PLA1A: variants seen among roughly 807,000 people sequenced by gnomAD.
PLA1A encodes phospholipase A1 member A, also known as phosphatidylserine-specific phospholipase A1alpha.
Under a neutral mutation model 49.4 loss-of-function variants are expected in PLA1A, and 47 were observed. The observed-to-expected ratio is 0.95, with a 90% confidence interval of 0.75 to 1.21. The LOEUF (loss-of-function observed/expected upper bound fraction) is 1.21. PLA1A is among the 50% of genes most tolerant of loss of function. The pLI is 0.00. For missense variants in PLA1A, 561 were observed against 563.9 expected (o/e 0.99, Z 0.05); for synonymous variants, 224 against 207.9 (o/e 1.08, Z -0.67).
intron 2 of PLA1A, among the ~76,000 whole-genome samples, chr3:119,608,001 C>T (rs2082711439): frequency 6.6e-6 from 1 of 152,082 alleles, no homozygotes; most frequent in South Asian, 2.1e-4. Flanking sequence ...TATCATTTTC[C>T]TTTTCCTGGA....
At chr3:119,628,620 C>A in intron 9 of PLA1A, 81 bp from the exon 10 acceptor site, 4 of 1,335,106 alleles carry the variant, frequency 3.0e-6, no homozygotes, top group East Asian at 2.3e-5. Context: ...GTGCCACCAG[C>A]AGAGCCCGAT....
chr3:119,604,654 A>T (rs1163329678), intron 1 of PLA1A, among the ~76,000 whole-genome samples: 1 of 152,196 alleles, frequency 6.6e-6, no homozygotes, highest in Admixed American at 6.5e-5. Context: ...ATATACATGT[A>T]TTTATTACCA....
intron 1 of PLA1A, among the ~76,000 whole-genome samples, chr3:119,598,900 C>G (rs1040990591): frequency 8.5e-5 from 13 of 152,206 alleles, no homozygotes; most frequent in African/African-American, 3.1e-4. Context: ...TCTCCTTGCA[C>G]TCATGGGTGG....
Position 119,616,459 on chromosome 3 carries a change from T to G in PLA1A, c.754+358T>G, listed in dbSNP as rs113177244. On this transcript the variant is annotated intron_variant, in intron 6 of 10. Coordinates refer to ENST00000273371, the MANE Select transcript of PLA1A (RefSeq NM_015900.4). ...TAAAATTGTTTTCAAGATGATCTTTTTGAACACATTCAATGACTGTACATT... is the reference window on the plus strand; with the variant it reads ...TAAAATTGTTTTCAAGATGATCTTTGTGAACACATTCAATGACTGTACATT... Among the ~76,000 whole-genome samples the G allele has an allele frequency of 8.6e-3, 1,303 of 152,366 alleles. 18 individuals carry two copies. The highest frequency in any genetic ancestry group is 0.029 in the African/African-American group (1,206 of 41,594).
intron 1 of PLA1A, among the ~76,000 whole-genome samples, chr3:119,601,954 T>G (rs1022754005): frequency 1.3e-5 from 2 of 152,172 alleles, no homozygotes; most frequent in African/African-American, 4.8e-5. Flanking sequence ...GTGAATTATA[T>G]TAATACTTTT....
chr3:119,611,394 A>C (rs1351709274), intron 4 of PLA1A, among the ~76,000 whole-genome samples: 1 of 152,206 alleles, frequency 6.6e-6, no homozygotes, highest in Non-Finnish European at 1.5e-5. Context: ...CTGAATCTGT[A>C]GATTGCTTTG....
At chr3:119,605,959 C>T (rs916291231) in intron 1 of PLA1A, among the ~76,000 whole-genome samples, 4 of 152,150 alleles carry the variant, frequency 2.6e-5, no homozygotes, top group Non-Finnish European at 4.4e-5. Flanking sequence ...TGGCAGGGCT[C>T]TTGACTGCTC....
chr3:119,610,151 A>G (rs2082746140), intron 4 of PLA1A, among the ~76,000 whole-genome samples: 1 of 152,214 alleles, frequency 6.6e-6, no homozygotes, highest in Non-Finnish European at 1.5e-5. Flanking sequence ...CAGAGAACAT[A>G]ATTTCATTCT....
In PLA1A at chr3:119,613,713, G is replaced by A. The variant is rs2082801843; in HGVS notation, c.664+595G>A. ...TCGAGACCATCCTGGCTAACACGGTGAAACCCCGTCTCTACTAAAAATACA... is the reference window on the plus strand; with the variant it reads ...TCGAGACCATCCTGGCTAACACGGTAAAACCCCGTCTCTACTAAAAATACA... On this transcript the variant is annotated intron_variant, in intron 5 of 10. Transcript: ENST00000273371. Among the ~76,000 whole-genome samples the A allele has an allele frequency of 2.0e-5, 3 of 152,316 alleles. No homozygotes were observed. In the South Asian group the frequency reaches 6.2e-4, roughly 32 times the overall value.
intron 1 of PLA1A, among the ~76,000 whole-genome samples, chr3:119,604,617 G>A (rs1651086199): frequency 6.6e-6 from 1 of 152,134 alleles, no homozygotes; most frequent in African/African-American, 2.4e-5. Context: ...GAAGGGGGAA[G>A]GAGTTGGGAA....
intron 1 of PLA1A, chr3:119,600,520 C>T (rs1207344030): frequency 3.1e-6 from 2 of 654,280 alleles, no homozygotes; most frequent in Non-Finnish European, 5.5e-6. Flanking sequence ...CTTTGAGCTC[C>T]CAAAGGGCAG....
intron 1 of PLA1A, among the ~76,000 whole-genome samples, chr3:119,599,227 G>GT (rs2082581869): frequency 6.6e-6 from 1 of 152,204 alleles, no homozygotes; most frequent in Admixed American, 6.5e-5. Flanking sequence ...TAGGAATGCT[G>GT]TAAGGACTGA....
At chr3:119,598,150 G>T (rs1391190046) in intron 1 of PLA1A, among the ~76,000 whole-genome samples, 164 bp downstream of exon 1, 1 of 152,024 alleles carries the variant, frequency 6.6e-6, no homozygotes, top group South Asian at 2.1e-4. Context: ...TATCATAATC[G>T]GAATGATGGT....
chr3:119,607,132 A>G (rs2082700074), intron 2 of PLA1A, 157 bp downstream of exon 2: 1 of 642,448 alleles, frequency 1.6e-6, no homozygotes. Flanking sequence ...GTCTCATGTC[A>G]ACATGCACAC....
intron 5 of PLA1A, among the ~76,000 whole-genome samples, chr3:119,613,982 C>A (rs536017899): frequency 6.6e-6 from 1 of 152,296 alleles, no homozygotes; most frequent in South Asian, 2.1e-4. Flanking sequence ...CAAATTAAGT[C>A]CTTCTGACCA....
intron 7 of PLA1A, among the ~76,000 whole-genome samples, chr3:119,618,652 C>T (rs2082886970): frequency 6.6e-6 from 1 of 152,168 alleles, no homozygotes; most frequent in Admixed American, 6.5e-5. Context: ...GACTTGGGCA[C>T]CTTCCTGGAT....
At chr3:119,616,247 G>A (rs2082847569) in intron 6 of PLA1A, 146 bp downstream of exon 6, 2 of 658,790 alleles carry the variant, frequency 3.0e-6, no homozygotes, top group Middle Eastern at 3.2e-4. Context: ...TACTCAGAAT[G>A]TATTCAAGGA....
At chr3:119,616,509 G>A (rs958676914) in intron 6 of PLA1A, among the ~76,000 whole-genome samples, 3 of 152,042 alleles carry the variant, frequency 2.0e-5, no homozygotes, top group Non-Finnish European at 4.4e-5. Flanking sequence ...ACAGCCTTCT[G>A]GAATTTTTAA....
rs868011288 is a variant in PLA1A, at chr3:119,627,639, C to T, written c.1122-1062C>T. Among the ~76,000 whole-genome samples the T allele has an allele frequency of 5.9e-5, 9 of 152,320 alleles. No individual in the cohort carries two copies. In the Middle Eastern group the frequency reaches 0.01, roughly 173 times the overall value. ...TGGTTCCCCACACCACCCCTGCCCCCGCCGAGAGGAACGCAGCGCCCTCCT... is the reference window on the plus strand; with the variant it reads ...TGGTTCCCCACACCACCCCTGCCCCTGCCGAGAGGAACGCAGCGCCCTCCT... On this transcript the variant is annotated intron_variant, in intron 9 of 10. Transcript: ENST00000273371.
Sources: gnomAD v4.1 joint callset for allele counts (sites outside exome capture counted in the v4.1 genomes callset) on GRCh38, gnomAD v4.1.1 for gene constraint, MANE v1.5 for transcripts, NCBI Gene and HGNC (gene_info 2026-07-23, HGNC 2026-07-21) for gene names.